The following WDR44 variants were observed in gnomAD, a reference collection of about 807,000 sequenced individuals.
WDR44 encodes the protein WD repeat domain 44.
WDR44 carries 9 observed loss-of-function variants against 65.7 expected under a neutral mutation model. The ratio of observed to expected loss-of-function variants is 0.14; its 90% confidence interval spans 0.08 to 0.24. The LOEUF (loss-of-function observed/expected upper bound fraction) is 0.24. WDR44 is among the 10% of genes least tolerant of loss of function. The probability of loss-of-function intolerance (pLI) is 1.00; values close to 1 mark genes in which losing one functional copy is unlikely to be tolerated. For missense variants in WDR44, 425 were observed against 670.9 expected, an observed-to-expected ratio of 0.63 and a Z score of 4.05; for synonymous variants, 220 against 235.2, an observed-to-expected ratio of 0.94 and a Z score of 0.59.
intron 8 of WDR44, 102 bp downstream of exon 8, chrX:118,398,572 C>T: frequency 1.5e-6 from 1 of 647,774 alleles, no homozygotes; most frequent in Non-Finnish European, 2.4e-6. Flanking sequence ...GTTTTTATGT[C>T]TACCCACCAC....
At chrX:118,376,773 G>A (rs776495068) in intron 1 of WDR44, among the ~76,000 whole-genome samples, 1 of 110,863 alleles carries the variant, frequency 9.0e-6, no homozygotes, top group African/African-American at 3.3e-5. Flanking sequence ...GGAAGATGAG[G>A]CGGGTGGATT....
At chrX:118,424,262 ATCT>A (rs202086558) in intron 12 of WDR44, among the ~76,000 whole-genome samples, 5,332 of 80,729 alleles carry the variant, frequency 0.066, 333 homozygotes, top group East Asian at 0.26. Context: ...AATACTTGTT[ATCT>A]TATATATATA....
chrX:118,424,337 A>G (rs1403268877), intron 12 of WDR44, among the ~76,000 whole-genome samples: 3 of 89,304 alleles, frequency 3.4e-5, no homozygotes, highest in African/African-American at 1.5e-4. Context: ...ATATATATAT[A>G]TATATATATA....
intron 15 of WDR44, among the ~76,000 whole-genome samples, chrX:118,441,857 C>T (rs1429486071): frequency 8.9e-6 from 1 of 111,865 alleles, no homozygotes; most frequent in Non-Finnish European, 1.9e-5. Flanking sequence ...TCTTGTGCCT[C>T]AGCCTCCTGA....
intron 12 of WDR44, among the ~76,000 whole-genome samples, chrX:118,428,815 A>G (rs2057181611): frequency 8.9e-6 from 1 of 112,515 alleles, no homozygotes; most frequent in African/African-American, 3.2e-5. Context: ...ATGCCTATCA[A>G]TGATAGACTG....
chrX:118,410,790 C>T (rs2057006528), intron 11 of WDR44, 105 bp from the exon 12 acceptor site: 1 of 641,812 alleles, frequency 1.6e-6, no homozygotes, highest in African/African-American at 2.3e-5. Flanking sequence ...ATACTGTATT[C>T]TCTAACTATT....
At chrX:118,377,290 G>C (rs2056669182) in intron 1 of WDR44, among the ~76,000 whole-genome samples, 1 of 110,733 alleles carries the variant, frequency 9.0e-6, no homozygotes, top group Non-Finnish European at 1.9e-5. Flanking sequence ...AGACCAGGAG[G>C]TCGAGGCTGC....
At chrX:118,378,025 C>T (rs898858214) in intron 1 of WDR44, among the ~76,000 whole-genome samples, 4 of 110,445 alleles carry the variant, frequency 3.6e-5, no homozygotes, top group African/African-American at 9.9e-5. Flanking sequence ...GGCATGATCT[C>T]GGCTCACTGA....
chrX:118,412,072 C>T (rs2057017327), intron 12 of WDR44, among the ~76,000 whole-genome samples: 1 of 111,897 alleles, frequency 8.9e-6, no homozygotes, highest in African/African-American at 3.2e-5. Context: ...ATAGGTTAGC[C>T]TTATAAATCA....
chrX:118,444,485 A>G lies in WDR44; in HGVS notation c.2638A>G (p.Thr880Ala). The change falls in exon 19 of 20, where the codon ACA becomes GCA. Residue 880 changes from threonine to alanine, a missense_variant. This residue lies in a region of WDR44 where 37 missense variants were observed against 40.9 expected (regional missense o/e 0.90). Transcript: ENST00000254029. Reference protein sequence around the residue: ...KSEDAEVLDATPSGIMKTDNT... With the variant: ...KSEDAEVLDAAPSGIMKTDNT... The stretch of plus-strand genomic sequence containing the variant: ...TGAAGATGCTGAAGTTTTGGATGCC[A>G]CACCTTCTGGTAAATCTTTACTTGT... 6 of 1,210,976 alleles carry G rather than the reference A, an allele frequency of 5.0e-6. No individual in the cohort carries two copies. The highest frequency in any genetic ancestry group is 6.7e-6 in the Non-Finnish European group (6 of 895,004).
intron 8 of WDR44, among the ~76,000 whole-genome samples, chrX:118,401,621 G>A (rs1377113571): frequency 3.5e-5 from 3 of 85,528 alleles, no homozygotes; most frequent in African/African-American, 9.5e-5. Context: ...TTTGTAGGTT[G>A]CCTGTTCACT....
intron 1 of WDR44, 73 bp from the exon 2 acceptor site, chrX:118,378,346 G>A (rs2056680812): frequency 2.4e-6 from 2 of 840,980 alleles, no homozygotes; most frequent in Non-Finnish European, 1.7e-6. Context: ...GGACTTGTCT[G>A]TAGTAAGTGT....
At chrX:118,423,751 C>T (rs1037278037) in intron 12 of WDR44, among the ~76,000 whole-genome samples, 1 of 111,800 alleles carries the variant, frequency 8.9e-6, no homozygotes, top group African/African-American at 3.3e-5. Flanking sequence ...TTGACTAATA[C>T]CACCTGTTTC....
chrX:118,352,929 C>G (rs948764838), intron 1 of WDR44, among the ~76,000 whole-genome samples: 4 of 111,723 alleles, frequency 3.6e-5, no homozygotes, highest in Admixed American at 9.5e-5. Flanking sequence ...CACATGTTCA[C>G]AGCATGAATT....
rs140466752 is a variant in WDR44 at position 118,420,620 on chromosome X, A to G, written c.1737+9661A>G. ...ATAAGATTCTTCCCTGTATTGCCTAATCTTAACTTTTGACTCAGTTCCAAT... is the reference window on the plus strand; with the variant it reads ...ATAAGATTCTTCCCTGTATTGCCTAGTCTTAACTTTTGACTCAGTTCCAAT... On this transcript the variant is annotated intron_variant, in intron 12 of 19. Coordinates refer to ENST00000254029, the MANE Select transcript of WDR44 (RefSeq NM_019045.5). 1.9e-3 allele frequency among the ~76,000 whole-genome samples: 215 copies of G among 111,454 alleles called. 1 individual carries two copies. Among genetic ancestry groups the G allele is most frequent in the African/African-American group, 6.8e-3 (210 of 30,700 alleles).
chrX:118,377,274 C>T lies in WDR44; in HGVS notation c.78-1145C>T, dbSNP rs145909050. On this transcript the variant is annotated intron_variant, in intron 1 of 19. Transcript: ENST00000254029. ...ACTCAGAAGACTGAGACTGGAGGAT[C>T]GCTTGAGACCAGGAGGTCGAGGCTG... 9.8e-3 allele frequency among the ~76,000 whole-genome samples: 1,063 copies of T among 108,482 alleles called. 6 individuals carry two copies. Among genetic ancestry groups the T allele is most frequent in the Middle Eastern group, 0.024 (5 of 206 alleles). 94.2% of individuals were successfully genotyped at this position (108,482 alleles called of 115,157 possible).
At chrX:118,446,470 A>AT (rs2057347497) in intron 19 of WDR44, among the ~76,000 whole-genome samples, 1 of 111,934 alleles carries the variant, frequency 8.9e-6, no homozygotes, top group South Asian at 3.7e-4. Flanking sequence ...ATAATAGTTT[A>AT]TTGACTGTAT....
intron 1 of WDR44, among the ~76,000 whole-genome samples, chrX:118,348,670 G>A: frequency 8.9e-6 from 1 of 111,794 alleles, no homozygotes; most frequent in East Asian, 2.8e-4. Context: ...CTTTGTGGAA[G>A]GTTGTATCAT....
Position 118,424,343 on chromosome X carries a change from ATATATG to A in WDR44, c.1738-8432_1738-8427del, listed in dbSNP as rs1301790896. On this transcript the variant is annotated intron_variant, in intron 12 of 19. Transcript: ENST00000254029. Reference sequence around the variant, plus strand: ...TGTGTGTATATATATATATATATATATATATGTATATATATATAATGTTCATCCTAA... The same window carrying A: ...TGTGTGTATATATATATATATATATATATATATATATAATGTTCATCCTAA... Among the ~76,000 whole-genome samples the A allele has an allele frequency of 3.4e-3, 310 of 91,332 alleles. 1 individual carries two copies. Among genetic ancestry groups the A allele is most frequent in the African/African-American group, 0.013 (273 of 21,254 alleles). 79.3% of individuals were successfully genotyped at this position (91,332 alleles called of 115,157 possible).
Sources: gnomAD v4.1 joint callset for allele counts (sites outside exome capture counted in the v4.1 genomes callset) on GRCh38, gnomAD v4.1.1 for gene constraint, gnomAD v4.1.1 regional missense constraint, MANE v1.5 for transcripts, NCBI Gene and HGNC (gene_info 2026-07-23, HGNC 2026-07-21) for gene names.